Variants in RFTN1 observed in about 807,000 individuals in gnomAD.
RFTN1 encodes raftlin, lipid raft linker 1.
Under a neutral mutation model 46.5 loss-of-function variants are expected in RFTN1, and 26 were observed. The observed-to-expected ratio is 0.56, with a 90% confidence interval of 0.41 to 0.78. The LOEUF (loss-of-function observed/expected upper bound fraction) is 0.78. Ranked by LOEUF, RFTN1 falls within the 30% of genes least tolerant of loss-of-function variation. The probability of loss-of-function intolerance (pLI) is 0.00; values close to 1 mark genes in which losing one functional copy is unlikely to be tolerated. For synonymous variants in RFTN1, 261 were observed against 284.2 expected (o/e 0.92, Z 0.82); for missense variants, 693 against 718.7 (o/e 0.96, Z 0.41).
chr3:16,386,952 G>A (rs905372937), intron 4 of RFTN1, among the ~76,000 whole-genome samples: 2 of 152,212 alleles, frequency 1.3e-5, no homozygotes, highest in African/African-American at 4.8e-5. Context: ...AACAACTGAA[G>A]CAAAAAGTAA....
intron 6 of RFTN1, among the ~76,000 whole-genome samples, chr3:16,367,465 C>A (rs1032802985): frequency 1.3e-5 from 2 of 152,118 alleles, no homozygotes; most frequent in Non-Finnish European, 2.9e-5. Flanking sequence ...GGTTTCAATT[C>A]ATTTTGTTCT....
chr3:16,477,500 TA>T (rs1352779314), intron 2 of RFTN1, among the ~76,000 whole-genome samples: 2 of 152,196 alleles, frequency 1.3e-5, no homozygotes, highest in African/African-American at 4.8e-5. Context: ...GGTGCTGAAT[TA>T]GGGAAACCTA....
intron 8 of RFTN1, among the ~76,000 whole-genome samples, chr3:16,323,993 A>G (rs1311629021): frequency 6.6e-6 from 1 of 152,196 alleles, no homozygotes; most frequent in Non-Finnish European, 1.5e-5. Context: ...TCTGGCTCAC[A>G]TGCGAGGGAG....
rs566710858 is a variant in RFTN1 at position 16,426,952 on chromosome 3, G to C, written c.332+6899C>G. 3.9e-5 allele frequency among the ~76,000 whole-genome samples: 6 copies of C among 152,306 alleles called. No homozygotes were observed. Among genetic ancestry groups the C allele is most frequent in the African/African-American group, 1.4e-4 (6 of 41,552 alleles). On this transcript the variant is annotated intron_variant, in intron 3 of 9. Transcript: ENST00000334133. The surrounding 1 kb of genome is among the most constrained non-coding windows in gnomAD (Gnocchi z 5.9). Reference sequence around the variant, plus strand: ...CAAAGATGGAAGAGGATTCAGCAAAGGGAGTGGAGGTGGGCAGACATCTAA... The same window carrying C: ...CAAAGATGGAAGAGGATTCAGCAAACGGAGTGGAGGTGGGCAGACATCTAA...
chr3:16,372,526 TAAG>T (rs150925290), intron 5 of RFTN1, among the ~76,000 whole-genome samples: 3,231 of 152,172 alleles, frequency 0.021, 44 homozygotes, highest in Middle Eastern at 0.065. Flanking sequence ...GCAAATGAAT[TAAG>T]AAGAAGAAGA....
rs1435975271 is a variant in RFTN1, at chr3:16,504,428, T to G, written c.-9+9014A>C. ...AAATGTAGCTTGTAAAGATATGACA[T>G]CATCAAGAGTAATATGGTACTGTCA... On this transcript the variant is annotated intron_variant, in intron 1 of 9. Coordinates refer to ENST00000334133, the MANE Select transcript of RFTN1 (RefSeq NM_015150.2). This position sits in a 1 kb window ranked among gnomAD's most constrained non-coding sequence, Gnocchi z 4.4. 6.6e-6 allele frequency among the ~76,000 whole-genome samples: 1 copy of G among 152,178 alleles called. No individual in the cohort carries two copies. Among genetic ancestry groups the G allele is most frequent in the Admixed American group, 6.5e-5 (1 of 15,280 alleles).
At chr3:16,360,352 T>C (rs753506472) in intron 6 of RFTN1, among the ~76,000 whole-genome samples, 1 of 152,188 alleles carries the variant, frequency 6.6e-6, no homozygotes, top group Non-Finnish European at 1.5e-5. Context: ...TTATTATTTG[T>C]AGAGATGCGG....
chr3:16,391,894 G>T (rs2470507), intron 4 of RFTN1, among the ~76,000 whole-genome samples: 8,621 of 31,868 alleles, frequency 0.27, 1,614 homozygotes, highest in East Asian at 0.67. Context: ...TTTTTTTTTT[G>T]TTTTTTTTAC....
In RFTN1 at chr3:16,380,540, T is replaced by G. The variant is rs1575183393; in HGVS notation, c.442-2438A>C. Among the ~76,000 whole-genome samples the G allele has an allele frequency of 1.3e-5, 2 of 152,220 alleles. No homozygotes were observed. Among genetic ancestry groups the G allele is most frequent in the East Asian group, 3.8e-4 (2 of 5,196 alleles). ...AGACAACCATATTCCTTTGCCATCTTGTACTGCAAATTTATCCTCTAGGCC... is the reference window on the plus strand; with the variant it reads ...AGACAACCATATTCCTTTGCCATCTGGTACTGCAAATTTATCCTCTAGGCC... On this transcript the variant is annotated intron_variant, in intron 4 of 9. Transcript: ENST00000334133. This position sits in a 1 kb window ranked among gnomAD's most constrained non-coding sequence, Gnocchi z 4.8.
chr3:16,396,626 A>C (rs1204379304), intron 4 of RFTN1, among the ~76,000 whole-genome samples: 1 of 152,186 alleles, frequency 6.6e-6, no homozygotes, highest in Non-Finnish European at 1.5e-5. Context: ...GGTTTCATTG[A>C]GGATTAGAAA....
chr3:16,375,629 G>A (rs2073738738), intron 5 of RFTN1, among the ~76,000 whole-genome samples: 1 of 152,188 alleles, frequency 6.6e-6, no homozygotes, highest in African/African-American at 2.4e-5. Flanking sequence ...AAATTTCAGA[G>A]ATTCGCAGCC....
At position 16,337,478 on chromosome 3, in the gene RFTN1, T is replaced by TGA. The variant is rs2070965410; in HGVS notation, c.1147-10603_1147-10602insTC. On this transcript the variant is annotated intron_variant, in intron 7 of 9. Coordinates refer to ENST00000334133, the MANE Select transcript of RFTN1 (RefSeq NM_015150.2). This position sits in a 1 kb window ranked among gnomAD's most constrained non-coding sequence, Gnocchi z 5.0. Reference sequence around the variant, plus strand: ...TTGATTTGTGGCCGGGCTCAGTGGCTCACGCCTGTAATCTCTGCACTTTGG... The same window carrying TGA: ...TTGATTTGTGGCCGGGCTCAGTGGCTGACACGCCTGTAATCTCTGCACTTTGG... The TGA allele has an allele frequency of 2.0e-5, 3 of 152,082 alleles. No homozygotes were observed. The highest frequency in any genetic ancestry group is 4.4e-5 in the Non-Finnish European group (3 of 68,046). 9.4% of individuals were successfully genotyped at this position (152,082 alleles called of 1,614,324 possible).
rs1321373905 is a variant in RFTN1, at chr3:16,449,477, A to G, written c.146-15440T>C. On this transcript the variant is annotated intron_variant, in intron 2 of 9. Coordinates refer to ENST00000334133, the MANE Select transcript of RFTN1 (RefSeq NM_015150.2). This position sits in a 1 kb window ranked among gnomAD's most constrained non-coding sequence, Gnocchi z 5.1. The stretch of plus-strand genomic sequence containing the variant: ...TCATCAGGCTGCTATGAAGATTGAG[A>G]TAATGCACATAAAGTCCTAGAACTG... Among the ~76,000 whole-genome samples, 1 of 152,206 alleles carries G rather than the reference A, an allele frequency of 6.6e-6. No individual in the cohort carries two copies. The highest frequency in any genetic ancestry group is 2.4e-5 in the African/African-American group (1 of 41,444).
intron 4 of RFTN1, among the ~76,000 whole-genome samples, chr3:16,403,686 ATATAAT>A (rs2074677446): frequency 3.8e-5 from 1 of 26,032 alleles, no homozygotes; most frequent in South Asian, 1.0e-3. Flanking sequence ...TATAATATAT[ATATAAT>A]ATATATTTTA....
chr3:16,349,352 G>A (rs1390733873), intron 7 of RFTN1: 1 of 152,214 alleles, frequency 6.6e-6, no homozygotes, highest in African/African-American at 2.4e-5. Flanking sequence ...CTGTAGAGAT[G>A]GATGAGTGTG....
rs888115127 is a variant in RFTN1, at chr3:16,385,180, A to G, written c.442-7078T>C. 3.9e-5 allele frequency among the ~76,000 whole-genome samples: 6 copies of G among 152,196 alleles called. No individual in the cohort carries two copies. Among genetic ancestry groups the G allele is most frequent in the Admixed American group, 2.6e-4 (4 of 15,278 alleles). On this transcript the variant is annotated intron_variant, in intron 4 of 9. Coordinates refer to ENST00000334133, the MANE Select transcript of RFTN1 (RefSeq NM_015150.2). The surrounding 1 kb of genome is among the most constrained non-coding windows in gnomAD (Gnocchi z 5.0). Reference sequence around the variant, plus strand: ...ATGCCATTCTGGGTTGCAGTTACACATGAGTCTTTACAGTGAATATTTTAT... The same window carrying G: ...ATGCCATTCTGGGTTGCAGTTACACGTGAGTCTTTACAGTGAATATTTTAT...
intron 1 of RFTN1, among the ~76,000 whole-genome samples, chr3:16,510,853 C>CAAAG (rs1010722980): frequency 1.1e-4 from 16 of 151,780 alleles, no homozygotes; most frequent in Admixed American, 8.5e-4. Flanking sequence ...TCACAATAAC[C>CAAAG]AAAGAAAGAA....
Position 16,401,321 on chromosome 3 carries a change from T to TTC in RFTN1, c.441+8053_441+8054insGA, listed in dbSNP as rs1252368483. Among the ~76,000 whole-genome samples, 17 of 145,462 alleles carry TTC rather than the reference T, an allele frequency of 1.2e-4. 2 individuals are homozygous for TTC. Among genetic ancestry groups the TTC allele is most frequent in the Admixed American group, 2.1e-4 (3 of 14,620 alleles). ...CCTGGGCAACGGAATGAAGCCGTGT[T>TTC]AAAAAAAAAAAAAAAAAAGACGGGG... On this transcript the variant is annotated intron_variant, in intron 4 of 9. Transcript: ENST00000334133.
intron 2 of RFTN1, chr3:16,482,879 C>T: frequency 1.3e-6 from 2 of 1,513,858 alleles, no homozygotes; most frequent in Non-Finnish European, 1.8e-6. Context: ...GAGCCTCCCA[C>T]CGGGGTGAGC....
Sources: allele counts gnomAD v4.1 joint callset (sites outside exome capture counted in the v4.1 genomes callset), GRCh38; gene constraint gnomAD v4.1.1; non-coding constraint Gnocchi (gnomAD v3.1); transcripts MANE v1.5; gene names NCBI Gene and HGNC (gene_info 2026-07-23, HGNC 2026-07-21).